Variants in MKNK2 observed in about 807,000 individuals in gnomAD.
The protein encoded by MKNK2 is MAPK interacting serine/threonine kinase 2.
In MKNK2, 54 loss-of-function variants were observed where a neutral mutation model predicts 55.0. The ratio of observed to expected loss-of-function variants is 0.98; its 90% confidence interval spans 0.79 to 1.23. The LOEUF is 1.23. MKNK2 is among the 50% of genes most tolerant of loss of function. The pLI, the probability that MKNK2 is intolerant of heterozygous loss-of-function variation, is 0.00. For missense variants in MKNK2, 685 were observed against 632.1 expected, an observed-to-expected ratio of 1.08 and a Z score of -0.90; for synonymous variants, 323 against 256.0, an observed-to-expected ratio of 1.26 and a Z score of -2.50.
rs1365929347 is a variant in MKNK2 at position 2,043,578 on chromosome 19, A to G, written c.344T>C (p.Ile115Thr). Residue 115 changes from isoleucine to threonine, a missense_variant, in exon 6 of 14, where the codon ATT (isoleucine) becomes ACT (threonine). Transcript: ENST00000250896. ...CCGAATGTGGCCTGGCTGCTTCTCA[A>G]TGATCTGAAACAGGCGAAAGGACAC... The part of the protein sequence containing the change: ...ITSQEYAVKI[I>T]EKQPGHIRSR... 2 of 1,614,008 alleles carry G rather than the reference A, an allele frequency of 1.2e-6. No homozygotes were observed. Among genetic ancestry groups the G allele is most frequent in the Non-Finnish European group, 1.7e-6 (2 of 1,179,938 alleles).
Position 2,043,414 on chromosome 19 carries a change from G to C in MKNK2, c.419+89C>G, listed in dbSNP as rs1019277579. The C allele has an allele frequency of 5.5e-5, 72 of 1,305,888 alleles. No homozygotes were observed. In the African/African-American group the frequency reaches 1.0e-3, roughly 18 times the overall value. The allele number at this position is 1,305,888 out of a possible 1,614,324, so 80.9% of individuals were successfully genotyped here. A position where few individuals can be genotyped will look rare whatever the true frequency, so the allele number is the denominator to read the frequency against. On this transcript the variant is annotated intron_variant, in intron 6 of 13. Transcript: ENST00000250896. Reference sequence around the variant, plus strand: ...GGCCTGGGAAACTGGGTGCCCTACAGACGCTTGCTGGGGGTGATGTGGCAC... The same window carrying C: ...GGCCTGGGAAACTGGGTGCCCTACACACGCTTGCTGGGGGTGATGTGGCAC...
chr19:2,050,726 C>T (rs1263777671), intron 2 of MKNK2, 75 bp downstream of exon 2: 14 of 1,391,742 alleles, frequency 1.0e-5, no homozygotes, highest in African/African-American at 3.0e-5. Context: ...ATCTTAGGGG[C>T]GGGCCCCGCG....
intron 12 of MKNK2, chr19:2,040,457 T>G: frequency 2.2e-6 from 1 of 448,644 alleles, no homozygotes. Context: ...GCCCCATCTC[T>G]CCCGGCTGTT....
intron 11 of MKNK2, 29 bp from the exon 12 acceptor site, chr19:2,041,233 G>A (rs772925506): frequency 3.0e-5 from 48 of 1,595,940 alleles, no homozygotes; most frequent in Non-Finnish European, 4.0e-5. Context: ...GGGGAGCTTA[G>A]ACCTGCCCAA....
At chr19:2,042,687 G>A in intron 8 of MKNK2, 25 bp from the exon 9 acceptor site, 1 of 1,557,304 alleles carries the variant, frequency 6.4e-7, no homozygotes, top group Admixed American at 1.9e-5. Context: ...ACAGAACCAC[G>A]ACGGGGTGAG....
In MKNK2 at chr19:2,040,179, TGCAA is replaced by T; in HGVS notation, c.1111-6_1111-3del. 1 of 1,577,908 alleles carries T rather than the reference TGCAA, an allele frequency of 6.3e-7. No individual in the cohort carries two copies. Among genetic ancestry groups the T allele is most frequent in the South Asian group, 1.2e-5 (1 of 86,252 alleles). On this transcript the variant is annotated splice_region_variant and splice_polypyrimidine_tract_variant and intron_variant, in intron 12 of 13. Coordinates refer to ENST00000250896, the MANE Select transcript of MKNK2 (RefSeq NM_199054.3). Reference sequence around the variant, plus strand: ...GGGCAAGGTGTTCTCCGGGGCGCACTGCAACGAGAGTGGGCGGGGGCAGGGCTGG... The same window carrying T: ...GGGCAAGGTGTTCTCCGGGGCGCACTCGAGAGTGGGCGGGGGCAGGGCTGG...
At chr19:2,042,907 C>T (rs781416417) in intron 7 of MKNK2, 37 bp from the exon 8 acceptor site, 11 of 1,535,774 alleles carry the variant, frequency 7.2e-6, no homozygotes, top group South Asian at 1.2e-5. Context: ...AGGGGGAACA[C>T]GCAGGTCACC....
rs1180915717 is a variant in MKNK2, at chr19:2,046,667, A to C, written c.76T>G (p.Phe26Val). Residue 26 changes from phenylalanine (F) to valine (V), a missense_variant, in exon 3 of 14, where the codon TTC (phenylalanine) becomes GTC (valine). Coordinates refer to ENST00000250896, the MANE Select transcript of MKNK2 (RefSeq NM_199054.3). The stretch of plus-strand genomic sequence containing the variant: ...CCGTGGTCGGGCTGGTCTAGGGAGA[A>C]GGCCAGCTCGAAGGGGTTCTGCCCC... ...FKGQNPFELA[F>V]SLDQPDHGDS... 13 of 1,545,362 alleles carry C rather than the reference A, an allele frequency of 8.4e-6. No homozygotes were observed. In the Admixed American group the frequency reaches 2.8e-4, roughly 33 times the overall value.
At position 2,038,518 on chromosome 19, in the gene MKNK2, G is replaced by T; in HGVS notation, c.*1095C>A. 2.0e-6 allele frequency: 2 copies of T among 985,628 alleles called. No homozygotes were observed. Among genetic ancestry groups the T allele is most frequent in the South Asian group, 9.4e-5 (2 of 21,292 alleles). The allele number at this position is 985,628 out of a possible 1,614,324, so 61.1% of individuals were successfully genotyped here. On this transcript the variant is annotated 3_prime_UTR_variant, in exon 14 of 14. Coordinates refer to ENST00000250896, the MANE Select transcript of MKNK2 (RefSeq NM_199054.3). ...CAGACCCCCGCATTCCTGGGTGCCC[G>T]AAGGGAGGCCGAGGCCGCAGCCGTT... is the stretch of plus-strand genomic sequence containing the variant.
Position 2,037,631 on chromosome 19 carries a change from GT to G in MKNK2, c.*1981del, listed in dbSNP as rs71652796. The G allele has an allele frequency of 0.31, 182,633 of 586,402 alleles. 8,001 individuals carry two copies. The highest frequency in any genetic ancestry group is 0.43 in the African/African-American group (19,783 of 45,586). 36.3% of individuals were successfully genotyped at this position (586,402 alleles called of 1,614,324 possible). A position where few individuals can be genotyped will look rare whatever the true frequency, so the allele number is the denominator to read the frequency against. ...CCCCCACTTTAAAAAAACTTTTGAG[GT>G]TTTTTTTTTTTTTTTGTCTTTTAAA... On this transcript the variant is annotated 3_prime_UTR_variant, in exon 14 of 14. Coordinates refer to ENST00000250896, the MANE Select transcript of MKNK2 (RefSeq NM_199054.3).
chr19:2,042,260 C>G, intron 10 of MKNK2, 167 bp downstream of exon 10: 2 of 748,698 alleles, frequency 2.7e-6, no homozygotes, highest in East Asian at 2.9e-5. Context: ...CGCGTTGGGG[C>G]GCCTGCTCGA....
At chr19:2,046,816 T>A in intron 2 of MKNK2, 125 bp from the exon 3 acceptor site, 1 of 695,626 alleles carries the variant, frequency 1.4e-6, no homozygotes, top group East Asian at 3.1e-5. Flanking sequence ...TACGGAAAAA[T>A]CAACTCCGTC....
chr19:2,042,936 C>T (rs2016924093), intron 7 of MKNK2, 66 bp from the exon 8 acceptor site: 2 of 1,476,260 alleles, frequency 1.4e-6, no homozygotes, highest in Non-Finnish European at 1.9e-6. Context: ...CCCTCAAGGC[C>T]AGCACCCACC....
At position 2,038,200 on chromosome 19, in the gene MKNK2, A is replaced by G. The variant is rs1386986021; in HGVS notation, c.*1413T>C. 1.0e-6 allele frequency: 1 copy of G among 1,001,978 alleles called. No individual in the cohort carries two copies. Among genetic ancestry groups the G allele is most frequent in the Non-Finnish European group, 1.2e-6 (1 of 841,502 alleles). The allele number at this position is 1,001,978 out of a possible 1,614,324, so 62.1% of individuals were successfully genotyped here. Reference sequence around the variant, plus strand: ...GGCCCCCACCCCCAGGCCCCCCGACATTCAAGTATTCTTCAAGAACAGGGA... The same window carrying G: ...GGCCCCCACCCCCAGGCCCCCCGACGTTCAAGTATTCTTCAAGAACAGGGA... On this transcript the variant is annotated 3_prime_UTR_variant, in exon 14 of 14. Coordinates refer to ENST00000250896, the MANE Select transcript of MKNK2 (RefSeq NM_199054.3).
intron 2 of MKNK2, among the ~76,000 whole-genome samples, chr19:2,049,174 G>T (rs914863513): frequency 3.3e-5 from 5 of 152,196 alleles, no homozygotes; most frequent in African/African-American, 1.2e-4. Flanking sequence ...GAGACTCCGC[G>T]GCCTCCTCGC....
chr19:2,037,605 T>C lies in MKNK2; in HGVS notation c.*2008A>G, dbSNP rs1175082488. Reference sequence around the variant, plus strand: ...TGGAATTAAAGTGCTTGGATGTTTTTCCCCCACTTTAAAAAAACTTTTGAG... The same window carrying C: ...TGGAATTAAAGTGCTTGGATGTTTTCCCCCCACTTTAAAAAAACTTTTGAG... On this transcript the variant is annotated 3_prime_UTR_variant, in exon 14 of 14. Transcript: ENST00000250896. 3.9e-5 allele frequency: 25 copies of C among 636,010 alleles called. No individual in the cohort carries two copies. The highest frequency in any genetic ancestry group is 5.0e-5 in the Non-Finnish European group (21 of 418,210). 39.4% of individuals were successfully genotyped at this position (636,010 alleles called of 1,614,324 possible).
chr19:2,050,826 A>G lies in MKNK2; in HGVS notation c.26T>C (p.Leu9Pro). 2.0e-6 allele frequency: 3 copies of G among 1,536,792 alleles called. No individual in the cohort carries two copies. Among genetic ancestry groups the G allele is most frequent in the Middle Eastern group, 1.7e-4 (1 of 5,946 alleles). MVQKKPAELQGFHRSFKGQ... is the reference protein window; with the variant it reads MVQKKPAEPQGFHRSFKGQ... The stretch of plus-strand genomic sequence containing the variant: ...CTTGAACGAACGGTGGAAACCCTGA[A>G]GTTCGGCTGGTTTCTTCTGCACCAT... The change falls in exon 2 of 14, where the codon CTT becomes CCT. Residue 9 changes from leucine (L) to proline (P), a missense_variant. Transcript: ENST00000250896.
chr19:2,050,713 C>G, intron 2 of MKNK2, 88 bp downstream of exon 2: 1 of 1,301,736 alleles, frequency 7.7e-7, no homozygotes, highest in Non-Finnish European at 1.1e-6. Context: ...GCCCCGGGAG[C>G]CGATCTTAGG....
chr19:2,040,915 G>T, intron 12 of MKNK2, 125 bp downstream of exon 12: 1 of 944,718 alleles, frequency 1.1e-6, no homozygotes, highest in Non-Finnish European at 1.6e-6. Context: ...GGCAGAGCCT[G>T]TGCTCTCAAG....
Sources: allele counts gnomAD v4.1 joint callset (sites outside exome capture counted in the v4.1 genomes callset), GRCh38; gene constraint gnomAD v4.1.1; transcripts MANE v1.5; gene names NCBI Gene and HGNC (gene_info 2026-07-23, HGNC 2026-07-21).